BCAS3: variants seen among roughly 807,000 people sequenced by gnomAD.
BCAS3 encodes BCAS4/BCAS3 fusion.
Under a neutral mutation model 116.1 loss-of-function variants are expected in BCAS3, and 53 were observed. The observed-to-expected ratio is 0.46, with a 90% confidence interval of 0.37 to 0.57. BCAS3 has a LOEUF of 0.57. Among genes scored for constraint, BCAS3 ranks in the 20% least tolerant of loss-of-function variants. The pLI is 0.00. For missense variants in BCAS3, 917 were observed against 1,165.4 expected (o/e 0.79, Z 3.10); for synonymous variants, 391 against 408.2 (o/e 0.96, Z 0.51).
In BCAS3 at chr17:60,990,262, C is replaced by T. The variant is rs772184761; in HGVS notation, c.1486+27C>T. ...TAATTTTCTCTGTCTCCACTGTTATCTTGAATCTTCCTTCCCTTTGTCCTT... is the reference window on the plus strand; with the variant it reads ...TAATTTTCTCTGTCTCCACTGTTATTTTGAATCTTCCTTCCCTTTGTCCTT... On this transcript the variant is annotated intron_variant, in intron 15 of 23. Transcript: ENST00000407086. This position sits in a 1 kb window ranked among gnomAD's most constrained non-coding sequence, Gnocchi z 5.1. The T allele has an allele frequency of 6.2e-7, 1 of 1,603,758 alleles. No individual in the cohort carries two copies. Among genetic ancestry groups the T allele is most frequent in the Non-Finnish European group, 8.5e-7 (1 of 1,172,480 alleles).
rs1244123762 is a variant in BCAS3, at chr17:60,818,021, AT to A, written c.476+9950del. On this transcript the variant is annotated intron_variant, in intron 7 of 23. Transcript: ENST00000407086. Reference sequence around the variant, plus strand: ...AGACATGCGCCACCATGCCCTGCTAATTTTTGTAATTTTAGTAGAGATAGGG... The same window carrying A: ...AGACATGCGCCACCATGCCCTGCTAATTTTGTAATTTTAGTAGAGATAGGG... Among the ~76,000 whole-genome samples the A allele has an allele frequency of 7.9e-5, 12 of 152,026 alleles. No individual in the cohort carries two copies. The South Asian group carries it at 2.1e-3, about 26-fold the overall frequency.
rs766910943 is a variant in BCAS3, at chr17:61,211,884, G to A, written c.2425+127320G>A. On this transcript the variant is annotated intron_variant, in intron 22 of 23. Transcript: ENST00000407086. This position sits in a 1 kb window ranked among gnomAD's most constrained non-coding sequence, Gnocchi z 4.4. ...AGGGCCTTAGCATAAAGTTAATATC[G>A]TCAAAGATCTGACTATAATCCATTT... is the stretch of plus-strand genomic sequence containing the variant. Among the ~76,000 whole-genome samples, 8 of 152,176 alleles carry A rather than the reference G, an allele frequency of 5.3e-5. No individual in the cohort carries two copies. Among genetic ancestry groups the A allele is most frequent in the Admixed American group, 3.3e-4 (5 of 15,282 alleles).
intron 22 of BCAS3, among the ~76,000 whole-genome samples, chr17:61,254,638 G>T (rs139625985): frequency 1.3e-5 from 2 of 151,776 alleles, no homozygotes; most frequent in Non-Finnish European, 2.9e-5. Context: ...TTAGCTGGGC[G>T]TGGTGGTGGG....
chr17:61,038,219 G>T (rs1217091486), intron 18 of BCAS3, among the ~76,000 whole-genome samples, 165 bp downstream of exon 18: 1 of 150,146 alleles, frequency 6.7e-6, no homozygotes, highest in Non-Finnish European at 1.5e-5. Flanking sequence ...GTGACCCTTT[G>T]TAATCTCTCC....
Position 61,382,481 on chromosome 17 carries a change from C to T in BCAS3, c.2594-9496C>T, listed in dbSNP as rs531296144. Among the ~76,000 whole-genome samples the T allele has an allele frequency of 7.1e-4, 107 of 151,494 alleles. 1 individual carries two copies. The highest frequency in any genetic ancestry group is 2.4e-3 in the African/African-American group (99 of 41,396). Reference sequence around the variant, plus strand: ...TTCACCATGTTGGTCAGGCTGGTCTCGAACTCCTGACCTCAGGTGATCCAC... The same window carrying T: ...TTCACCATGTTGGTCAGGCTGGTCTTGAACTCCTGACCTCAGGTGATCCAC... On this transcript the variant is annotated intron_variant, in intron 23 of 23. Transcript: ENST00000407086.
chr17:60,989,874 G>A (rs1203589309), intron 14 of BCAS3, 97 bp from the exon 15 acceptor site: 1 of 1,300,782 alleles, frequency 7.7e-7, no homozygotes, highest in Non-Finnish European at 1.1e-6. Context: ...TTGGTAATGA[G>A]GCAATCATTT....
At chr17:61,164,738 G>A (rs2078383762) in intron 22 of BCAS3, among the ~76,000 whole-genome samples, 1 of 152,142 alleles carries the variant, frequency 6.6e-6, no homozygotes. Context: ...CTCCAAAACT[G>A]AGCCAAATAA....
chr17:60,823,751 T>A (rs1237592421), intron 7 of BCAS3, among the ~76,000 whole-genome samples: 1 of 152,206 alleles, frequency 6.6e-6, no homozygotes, highest in Non-Finnish European at 1.5e-5. Flanking sequence ...ATACACTACA[T>A]GGAGAATGAA....
intron 4 of BCAS3, among the ~76,000 whole-genome samples, chr17:60,705,111 G>A (rs2143969575): frequency 6.6e-6 from 1 of 152,296 alleles, no homozygotes; most frequent in East Asian, 1.9e-4. Flanking sequence ...TGCCATCAAT[G>A]TTACAGAAAT....
chr17:61,319,330 C>T (rs1289272784), intron 22 of BCAS3, among the ~76,000 whole-genome samples: 1 of 152,094 alleles, frequency 6.6e-6, no homozygotes, highest in Non-Finnish European at 1.5e-5. Context: ...TATGACACCC[C>T]CTACATTAAA....
intron 5 of BCAS3, among the ~76,000 whole-genome samples, chr17:60,745,012 A>G (rs779397918): frequency 7.2e-5 from 11 of 152,042 alleles, no homozygotes; most frequent in Non-Finnish European, 8.8e-5. Flanking sequence ...GCTAAGACAG[A>G]TTTGTTTTAT....
chr17:60,834,074 A>C (rs926710698), intron 7 of BCAS3, among the ~76,000 whole-genome samples: 4 of 152,084 alleles, frequency 2.6e-5, no homozygotes, highest in Non-Finnish European at 5.9e-5. Flanking sequence ...AAATTATACT[A>C]ATGTGGCTTT....
At chr17:61,236,002 A>G (rs1264369893) in intron 22 of BCAS3, among the ~76,000 whole-genome samples, 1 of 152,216 alleles carries the variant, frequency 6.6e-6, no homozygotes, top group East Asian at 1.9e-4. Context: ...GTTAAATTAT[A>G]GTTAGTAAAA....
chr17:61,235,378 A>G lies in BCAS3; in HGVS notation c.2426-132949A>G, dbSNP rs572002160. On this transcript the variant is annotated intron_variant, in intron 22 of 23. Transcript: ENST00000407086. The surrounding 1 kb of genome is among the most constrained non-coding windows in gnomAD (Gnocchi z 5.0). ...AACAAGTAACCTTCAATGAAAATGT[A>G]CAGTTTTGAGAATTTCGATATTTGA... is the stretch of plus-strand genomic sequence containing the variant. Among the ~76,000 whole-genome samples, 49 of 152,340 alleles carry G rather than the reference A, an allele frequency of 3.2e-4. No individual in the cohort carries two copies. Among genetic ancestry groups the G allele is most frequent in the Admixed American group, 2.5e-3 (38 of 15,302 alleles).
At chr17:60,855,359 C>G (rs964579184) in intron 7 of BCAS3, among the ~76,000 whole-genome samples, 11 of 151,718 alleles carry the variant, frequency 7.3e-5, no homozygotes, top group Non-Finnish European at 1.5e-4. Context: ...GACTGTTGTC[C>G]AGGCGACTGT....
chr17:61,061,180 A>G (rs143712284), intron 19 of BCAS3, among the ~76,000 whole-genome samples: 140 of 152,344 alleles, frequency 9.2e-4, no homozygotes, highest in African/African-American at 3.2e-3. Context: ...TTCCAGGTCT[A>G]AAAGCTTTTG....
rs983691462 is a variant in BCAS3, at chr17:61,082,532, A to G, written c.2328-1935A>G. 5.3e-5 allele frequency among the ~76,000 whole-genome samples: 8 copies of G among 152,332 alleles called. No homozygotes were observed. Among genetic ancestry groups the G allele is most frequent in the South Asian group, 4.1e-4 (2 of 4,828 alleles). On this transcript the variant is annotated intron_variant, in intron 21 of 23. Coordinates refer to ENST00000407086, the MANE Select transcript of BCAS3 (RefSeq NM_017679.5). This position sits in a 1 kb window ranked among gnomAD's most constrained non-coding sequence, Gnocchi z 5.1. The stretch of plus-strand genomic sequence containing the variant: ...AACTCTGGATTATTCAGAAACCCCA[A>G]TATAAATTGACTAACTATAGGAGTT...
chr17:61,246,057 C>T (rs1286574639), intron 22 of BCAS3, among the ~76,000 whole-genome samples: 1 of 152,172 alleles, frequency 6.6e-6, no homozygotes, highest in Admixed American at 6.6e-5. Flanking sequence ...CCTTCTAACA[C>T]CCAGATTTGG....
At chr17:61,172,992 A>AAAT (rs1340628934) in intron 22 of BCAS3, among the ~76,000 whole-genome samples, 1 of 151,552 alleles carries the variant, frequency 6.6e-6, no homozygotes, top group Non-Finnish European at 1.5e-5. Context: ...CATCTCAAAT[A>AAAT]AATAAATAAA....
Sources: allele counts gnomAD v4.1 joint callset (sites outside exome capture counted in the v4.1 genomes callset), GRCh38; gene constraint gnomAD v4.1.1; non-coding constraint Gnocchi (gnomAD v3.1); transcripts MANE v1.5; gene names NCBI Gene and HGNC (gene_info 2026-07-23, HGNC 2026-07-21).